The following ASTN2 variants were observed in gnomAD, a reference collection of about 807,000 sequenced individuals.
ASTN2 encodes astrotactin-2.
In ASTN2, 54 loss-of-function variants were observed where a neutral mutation model predicts 139.8. The ratio of observed to expected loss-of-function variants is 0.39; its 90% confidence interval spans 0.31 to 0.48. ASTN2 has a LOEUF of 0.48. ASTN2 is among the 20% of genes least tolerant of loss of function. The pLI, the probability that ASTN2 is intolerant of heterozygous loss-of-function variation, is 0.95. For synonymous variants in ASTN2, 756 were observed against 719.5 expected, an observed-to-expected ratio of 1.05 and a Z score of -0.81; for missense variants, 1,565 against 1,725.1, an observed-to-expected ratio of 0.91 and a Z score of 1.64.
intron 11 of ASTN2, among the ~76,000 whole-genome samples, chr9:116,845,239 C>T (rs1206873811): frequency 2.0e-5 from 3 of 152,284 alleles, no homozygotes; most frequent in Admixed American, 6.5e-5. Flanking sequence ...CTCAGCCTCC[C>T]GAGTAGCTGG....
chr9:116,794,301 T>G (rs1830635289), intron 13 of ASTN2, among the ~76,000 whole-genome samples: 1 of 152,050 alleles, frequency 6.6e-6, no homozygotes, highest in Non-Finnish European at 1.5e-5. Context: ...TTTCTCCATG[T>G]TGGTCAGGCT....
intron 13 of ASTN2, among the ~76,000 whole-genome samples, chr9:116,746,534 T>C (rs546540556): frequency 1.3e-5 from 2 of 152,334 alleles, no homozygotes; most frequent in East Asian, 3.9e-4. Context: ...GCAACCCTAT[T>C]CCACCTGCAC....
chr9:116,791,849 G>GC (rs1198814950), intron 13 of ASTN2, among the ~76,000 whole-genome samples: 1 of 152,090 alleles, frequency 6.6e-6, no homozygotes, highest in Non-Finnish European at 1.5e-5. Flanking sequence ...GGATTTTGAA[G>GC]CCAGAAATTT....
At chr9:116,527,395 A>G (rs1275953579) in intron 19 of ASTN2, among the ~76,000 whole-genome samples, 1 of 152,232 alleles carries the variant, frequency 6.6e-6, no homozygotes, top group East Asian at 1.9e-4. Context: ...CAAAAAAGGC[A>G]TACAAAAGGC....
intron 5 of ASTN2, 97 bp downstream of exon 5, chr9:117,095,947 T>C: frequency 1.7e-6 from 2 of 1,146,258 alleles, no homozygotes; most frequent in Non-Finnish European, 2.6e-6. Context: ...GGGACCAGGT[T>C]AGAGAAGATT....
chr9:117,358,905 G>T lies in ASTN2; in HGVS notation c.442+55592C>A, dbSNP rs552883392. Among the ~76,000 whole-genome samples the T allele has an allele frequency of 3.4e-4, 51 of 152,008 alleles. 1 individual carries two copies. The South Asian group carries it at 9.4e-3, about 28-fold the overall frequency. Reference sequence around the variant, plus strand: ...TCATATATCCCACCTTTCTGCAAAGGCCTACCCAACCAAACTCACCTCTCA... The same window carrying T: ...TCATATATCCCACCTTTCTGCAAAGTCCTACCCAACCAAACTCACCTCTCA... On this transcript the variant is annotated intron_variant, in intron 1 of 22. Transcript: ENST00000313400.
intron 1 of ASTN2, among the ~76,000 whole-genome samples, chr9:117,384,610 C>T (rs1007246427): frequency 1.3e-5 from 2 of 152,210 alleles, no homozygotes; most frequent in Admixed American, 6.5e-5. Flanking sequence ...AAGTCATTTC[C>T]TATGGGCCAT....
chr9:117,237,779 G>A (rs368094300), intron 2 of ASTN2, among the ~76,000 whole-genome samples: 4 of 152,142 alleles, frequency 2.6e-5, no homozygotes, highest in Admixed American at 1.3e-4. Flanking sequence ...ACACTCAGCC[G>A]AGGTTGAGTT....
At chr9:117,313,600 T>C (rs1363634904) in intron 1 of ASTN2, among the ~76,000 whole-genome samples, 3 of 152,092 alleles carry the variant, frequency 2.0e-5, no homozygotes, top group Non-Finnish European at 4.4e-5. Context: ...GGGAAAAGCT[T>C]TTCAGGCACA....
At chr9:116,479,064 G>A (rs990951204) in intron 20 of ASTN2, among the ~76,000 whole-genome samples, 2 of 148,994 alleles carry the variant, frequency 1.3e-5, no homozygotes, top group Non-Finnish European at 3.0e-5. Context: ...ATTTGAGATG[G>A]CCCCTTTCAA....
chr9:117,217,190 C>G (rs1457847336), intron 2 of ASTN2, among the ~76,000 whole-genome samples: 1 of 152,162 alleles, frequency 6.6e-6, no homozygotes, highest in African/African-American at 2.4e-5. Context: ...TCAAATTCAG[C>G]CTCCAGATGT....
At chr9:116,626,930 A>G (rs999867476) in intron 17 of ASTN2, among the ~76,000 whole-genome samples, 1 of 152,238 alleles carries the variant, frequency 6.6e-6, no homozygotes, top group East Asian at 1.9e-4. Context: ...GCCATCCGTC[A>G]TCAGCATATC....
chr9:116,775,509 G>A (rs1202541362), intron 13 of ASTN2, among the ~76,000 whole-genome samples: 2 of 117,348 alleles, frequency 1.7e-5, no homozygotes, highest in Non-Finnish European at 3.5e-5. Flanking sequence ...GAGGAAAAGA[G>A]GAAGGAAGGA....
At chr9:116,554,630 G>A (rs796291809) in intron 19 of ASTN2, among the ~76,000 whole-genome samples, 18 of 152,252 alleles carry the variant, frequency 1.2e-4, no homozygotes, top group African/African-American at 4.1e-4. Context: ...AGAAGAGAGA[G>A]ACCAAGGCTC....
At chr9:117,102,632 C>T (rs1829007369) in intron 4 of ASTN2, among the ~76,000 whole-genome samples, 2 of 152,146 alleles carry the variant, frequency 1.3e-5, no homozygotes, top group African/African-American at 2.4e-5. Flanking sequence ...AAGCGATTCT[C>T]CTGCCTTAGC....
chr9:117,315,999 T>G (rs1828132191), intron 1 of ASTN2, among the ~76,000 whole-genome samples: 1 of 152,188 alleles, frequency 6.6e-6, no homozygotes, highest in Non-Finnish European at 1.5e-5. Flanking sequence ...CTGAATGAGC[T>G]ATCTCATGTA....
intron 19 of ASTN2, among the ~76,000 whole-genome samples, chr9:116,565,919 A>T (rs568288342): frequency 6.6e-6 from 1 of 152,194 alleles, no homozygotes; most frequent in African/African-American, 2.4e-5. Flanking sequence ...ACAAGTACAT[A>T]TAACACAAGC....
intron 13 of ASTN2, among the ~76,000 whole-genome samples, chr9:116,777,664 C>T (rs991605743): frequency 5.3e-5 from 8 of 152,078 alleles, no homozygotes; most frequent in African/African-American, 1.7e-4. Context: ...TTGCATTTCA[C>T]CAAACTCCCA....
chr9:117,270,493 C>T (rs1834038368), intron 2 of ASTN2, among the ~76,000 whole-genome samples: 2 of 152,172 alleles, frequency 1.3e-5, no homozygotes, highest in Admixed American at 1.3e-4. Context: ...CCTTGTGCCT[C>T]TAACATGCCA....
Sources: gnomAD v4.1 joint callset for allele counts (sites outside exome capture counted in the v4.1 genomes callset) on GRCh38, gnomAD v4.1.1 for gene constraint, MANE v1.5 for transcripts, NCBI Gene and HGNC (gene_info 2026-07-23, HGNC 2026-07-21) for gene names.